Variants in SCAMP1 observed in about 807,000 individuals in gnomAD.
SCAMP1 encodes the protein secretory carrier-associated membrane protein 1.
SCAMP1 carries 15 observed loss-of-function variants against 41.8 expected under a neutral mutation model. That is an observed-to-expected ratio of 0.36 (90% CI 0.24 to 0.55). SCAMP1 has a LOEUF of 0.55. Ranked by LOEUF, SCAMP1 falls within the 20% of genes least tolerant of loss-of-function variation. The pLI, the probability that SCAMP1 is intolerant of heterozygous loss-of-function variation, is 0.86. For missense variants in SCAMP1, 341 were observed against 412.6 expected (o/e 0.83, Z 1.50); for synonymous variants, 135 against 136.8 (o/e 0.99, Z 0.09).
At chr5:78,442,879 T>C (rs1217132866) in intron 6 of SCAMP1, among the ~76,000 whole-genome samples, 1 of 152,154 alleles carries the variant, frequency 6.6e-6, no homozygotes, top group African/African-American at 2.4e-5. Flanking sequence ...AATTGAAATA[T>C]TATCTTAGAG....
At chr5:78,441,717 G>C (rs1421972879) in intron 6 of SCAMP1, among the ~76,000 whole-genome samples, 3 of 152,162 alleles carry the variant, frequency 2.0e-5, no homozygotes, top group Non-Finnish European at 4.4e-5. Flanking sequence ...AATGCCAGCT[G>C]TTTGGGAGGC....
Position 78,361,003 on chromosome 5 carries a change from C to T in SCAMP1, c.57+275C>T, listed in dbSNP as rs543663033. The T allele has an allele frequency of 3.1e-5, 13 of 423,048 alleles. No individual in the cohort carries two copies. The East Asian group carries it at 4.2e-4, about 14-fold the overall frequency. 26.2% of individuals were successfully genotyped at this position (423,048 alleles called of 1,614,324 possible). ...GTCGTGTCTGCAGCCGGGACTGGGC[C>T]CGCGCGCCCGGAGGGGTCCTGGCCC... On this transcript the variant is annotated intron_variant, in intron 1 of 8. Transcript: ENST00000621999.
chr5:78,435,084 CAT>C (rs1463694163), intron 6 of SCAMP1, among the ~76,000 whole-genome samples: 1 of 152,048 alleles, frequency 6.6e-6, no homozygotes, highest in Non-Finnish European at 1.5e-5. Flanking sequence ...CAGGATGAAA[CAT>C]GTTTACTTAT....
intron 2 of SCAMP1, among the ~76,000 whole-genome samples, chr5:78,399,639 C>T (rs1447191006): frequency 2.0e-5 from 3 of 152,202 alleles, no homozygotes; most frequent in Non-Finnish European, 4.4e-5. Context: ...TTAAGGTCTT[C>T]TGTCCATTTC....
chr5:78,436,536 ATG>A (rs1218552222), intron 6 of SCAMP1, among the ~76,000 whole-genome samples: 1 of 152,090 alleles, frequency 6.6e-6, no homozygotes, highest in Non-Finnish European at 1.5e-5. Context: ...ATGGTTGGAT[ATG>A]TGTGGTGTTA....
At chr5:78,468,520 G>T (rs1753798526) in intron 8 of SCAMP1, among the ~76,000 whole-genome samples, 1 of 152,096 alleles carries the variant, frequency 6.6e-6, no homozygotes, top group East Asian at 1.9e-4. Flanking sequence ...TAATATGGAA[G>T]TAATTAATAG....
rs576995556 is a variant in SCAMP1 at position 78,474,116 on chromosome 5, G to C, written c.853-1388G>C. On this transcript the variant is annotated intron_variant, in intron 8 of 8. Coordinates refer to ENST00000621999, the MANE Select transcript of SCAMP1 (RefSeq NM_004866.6). ...TATATTGCCCAGGTTGGAGTGGAAG[G>C]CTGGGACCATAGGTGTGTGCCACCA... Among the ~76,000 whole-genome samples, 33 of 152,070 alleles carry C rather than the reference G, an allele frequency of 2.2e-4. No individual in the cohort carries two copies. In the Middle Eastern group the frequency reaches 0.01, roughly 47 times the overall value.
At chr5:78,377,260 T>C (rs1432150993) in intron 1 of SCAMP1, among the ~76,000 whole-genome samples, 1 of 152,188 alleles carries the variant, frequency 6.6e-6, no homozygotes, top group Non-Finnish European at 1.5e-5. Context: ...GTAATTGCTG[T>C]TCCCCTCAGA....
At chr5:78,406,154 T>C (rs1751928757) in intron 2 of SCAMP1, among the ~76,000 whole-genome samples, 1 of 152,194 alleles carries the variant, frequency 6.6e-6, no homozygotes, top group Non-Finnish European at 1.5e-5. Flanking sequence ...TTCTCAAATT[T>C]TAAGGTGTCT....
intron 6 of SCAMP1, among the ~76,000 whole-genome samples, chr5:78,425,984 C>A (rs1248944801): frequency 6.6e-6 from 1 of 151,338 alleles, no homozygotes; most frequent in Non-Finnish European, 1.5e-5. Context: ...TGTGATGTTC[C>A]CCTTCCTGTG....
chr5:78,407,385 G>C (rs539300046), intron 2 of SCAMP1, among the ~76,000 whole-genome samples: 26 of 152,122 alleles, frequency 1.7e-4, no homozygotes, highest in Non-Finnish European at 3.5e-4. Flanking sequence ...AGCTTGCATT[G>C]TTGCTGTTGA....
chr5:78,439,020 G>A (rs1324129553), intron 6 of SCAMP1, among the ~76,000 whole-genome samples: 1 of 152,132 alleles, frequency 6.6e-6, no homozygotes, highest in Non-Finnish European at 1.5e-5. Flanking sequence ...TATTTTATCA[G>A]AGACTAGGAT....
At position 78,460,774 on chromosome 5, in the gene SCAMP1, T is replaced by G. The variant is rs182413137; in HGVS notation, c.852+1412T>G. On this transcript the variant is annotated intron_variant, in intron 8 of 8. Coordinates refer to ENST00000621999, the MANE Select transcript of SCAMP1 (RefSeq NM_004866.6). The stretch of plus-strand genomic sequence containing the variant: ...CTTCCTTCCTTCCTTCCTTCCTTCC[T>G]TCCTTCCTTCCTTCCTTCCTTCCTT... Among the ~76,000 whole-genome samples, 206 of 40,606 alleles carry G rather than the reference T, an allele frequency of 5.1e-3. 1 individual carries two copies. Among genetic ancestry groups the G allele is most frequent in the African/African-American group, 0.026 (152 of 5,878 alleles). 26.6% of individuals were successfully genotyped at this position (40,606 alleles called of 152,430 possible).
At chr5:78,420,360 G>A (rs907310991) in intron 5 of SCAMP1, among the ~76,000 whole-genome samples, 4 of 152,108 alleles carry the variant, frequency 2.6e-5, no homozygotes, top group African/African-American at 9.7e-5. Context: ...TGTTCTTAAG[G>A]TCTAAAACTT....
intron 7 of SCAMP1, among the ~76,000 whole-genome samples, chr5:78,453,096 G>A (rs1232866261): frequency 6.7e-6 from 1 of 149,910 alleles, no homozygotes; most frequent in Non-Finnish European, 1.5e-5. Context: ...CCCTTTGTCA[G>A]ACGAGTAGGT....
At chr5:78,407,070 C>A (rs1751953375) in intron 2 of SCAMP1, among the ~76,000 whole-genome samples, 1 of 152,148 alleles carries the variant, frequency 6.6e-6, no homozygotes, top group Non-Finnish European at 1.5e-5. Flanking sequence ...TTTTTCCCTG[C>A]CAATAGGTTG....
At chr5:78,435,240 T>TA (rs919201970) in intron 6 of SCAMP1, among the ~76,000 whole-genome samples, 2 of 152,080 alleles carry the variant, frequency 1.3e-5, no homozygotes, top group African/African-American at 2.4e-5. Context: ...AGGTTTTTTT[T>TA]AATTTTTTAT....
intron 2 of SCAMP1, among the ~76,000 whole-genome samples, chr5:78,413,517 A>G (rs1752133841): frequency 6.6e-6 from 1 of 151,270 alleles, no homozygotes; most frequent in Non-Finnish European, 1.5e-5. Context: ...TCCCAGGCTC[A>G]AGCGATTCTC....
chr5:78,413,390 C>T (rs1167317740), intron 2 of SCAMP1, among the ~76,000 whole-genome samples: 2 of 147,648 alleles, frequency 1.4e-5, no homozygotes, highest in Non-Finnish European at 3.0e-5. Context: ...TGTTTTTCTT[C>T]AAAATGGTTT....
Sources: allele counts gnomAD v4.1 joint callset (sites outside exome capture counted in the v4.1 genomes callset), GRCh38; gene constraint gnomAD v4.1.1; transcripts MANE v1.5; gene names NCBI Gene and HGNC (gene_info 2026-07-23, HGNC 2026-07-21).